HMX1: variants seen among roughly 807,000 people sequenced by gnomAD.
HMX1 encodes the protein homeobox protein HMX1.
In HMX1, 8 loss-of-function variants were observed where a neutral mutation model predicts 8.9. The observed-to-expected ratio is 0.90, with a 90% CI of 0.53 to 1.63. The LOEUF (loss-of-function observed/expected upper bound fraction) is 1.63. Among genes scored for constraint, HMX1 ranks in the 40% most tolerant of loss-of-function variants. The pLI, the probability that HMX1 is intolerant of heterozygous loss-of-function variation, is 0.00. For missense variants in HMX1, 621 were observed against 558.5 expected, an observed-to-expected ratio of 1.11 and a Z score of -1.13; for synonymous variants, 311 against 283.4, an observed-to-expected ratio of 1.10 and a Z score of -0.98.
chr4:8,867,597 C>T lies in HMX1; in HGVS notation c.*96G>A. 2 of 1,189,062 alleles carry T rather than the reference C, an allele frequency of 1.7e-6. No individual in the cohort carries two copies. The highest frequency in any genetic ancestry group is 8.5e-5 in the South Asian group (2 of 23,546). 73.7% of individuals were successfully genotyped at this position (1,189,062 alleles called of 1,614,324 possible). On this transcript the variant is annotated 3_prime_UTR_variant, in exon 2 of 2. Coordinates refer to ENST00000400677, the MANE Select transcript of HMX1 (RefSeq NM_018942.3). ...TCTAGGAGGCCGCAGGAGCGACCAT[C>T]CCTTCCCTAACGCCCCCTGAGCCCT...
In HMX1 at chr4:8,848,471, G is replaced by T. The variant is rs1721341102; in HGVS notation, c.395-2147C>A. 6.6e-6 allele frequency among the ~76,000 whole-genome samples: 1 copy of T among 152,152 alleles called. No homozygotes were observed. The highest frequency in any genetic ancestry group is 2.1e-4 in the South Asian group (1 of 4,830). ...TTTATGATTGTTTTTTACTCATCTAGGCAGAGTACTTGGAATGCCCTAGTT... is the reference window on the plus strand; with the variant it reads ...TTTATGATTGTTTTTTACTCATCTATGCAGAGTACTTGGAATGCCCTAGTT... On this transcript the variant is annotated intron_variant, in intron 1 of 1. Transcript: ENST00000506970. This position sits in a 1 kb window ranked among gnomAD's most constrained non-coding sequence, Gnocchi z 4.1.
At chr4:8,862,747 G>A (rs1560178102), downstream of HMX1, among the ~76,000 whole-genome samples, 1 of 152,142 alleles carries the variant, frequency 6.6e-6, no homozygotes, top group Non-Finnish European at 1.5e-5. Context: ...TATTACTTTT[G>A]TAATAAAAAA....
downstream of HMX1, among the ~76,000 whole-genome samples, chr4:8,865,601 G>A (rs1247907342): frequency 6.6e-6 from 1 of 152,120 alleles, no homozygotes; most frequent in African/African-American, 2.4e-5. Context: ...CCCAGAGGGC[G>A]AGGGTCCCAG....
rs1722112750 is a variant in HMX1 at position 8,868,675 on chromosome 4, C to G, written c.395-330G>C. Among the ~76,000 whole-genome samples, 1 of 152,160 alleles carries G rather than the reference C, an allele frequency of 6.6e-6. No individual in the cohort carries two copies. Among genetic ancestry groups the G allele is most frequent in the Admixed American group, 6.5e-5 (1 of 15,284 alleles). ...AAAAATACTACACAAGAAAAGCAGGCTGACCCCAGTGAGCACTCCCCACTC... is the reference window on the plus strand; with the variant it reads ...AAAAATACTACACAAGAAAAGCAGGGTGACCCCAGTGAGCACTCCCCACTC... On this transcript the variant is annotated intron_variant, in intron 1 of 1. Coordinates refer to ENST00000400677, the MANE Select transcript of HMX1 (RefSeq NM_018942.3). This position sits in a 1 kb window ranked among gnomAD's most constrained non-coding sequence, Gnocchi z 4.6.
intron 1 of HMX1, among the ~76,000 whole-genome samples, chr4:8,861,326 G>T (rs1721807823): frequency 6.6e-6 from 1 of 152,206 alleles, no homozygotes; most frequent in South Asian, 2.1e-4. Flanking sequence ...GGCGGGTCGG[G>T]ATCAGAGCGC....
At chr4:8,865,003 C>A (rs763972444), downstream of HMX1, among the ~76,000 whole-genome samples, 1 of 152,216 alleles carries the variant, frequency 6.6e-6, no homozygotes, top group Non-Finnish European at 1.5e-5. Context: ...GCTTGGTGAC[C>A]GGTTCCATGG....
Position 8,871,082 on chromosome 4 carries a change from C to G in HMX1, c.394+139G>C. On this transcript the variant is annotated intron_variant, in intron 1 of 1. Coordinates refer to ENST00000400677, the MANE Select transcript of HMX1 (RefSeq NM_018942.3). The surrounding 1 kb of genome is among the most constrained non-coding windows in gnomAD (Gnocchi z 4.8). ...CCCAACCAGGGGCTCCTGGGGGCCC[C>G]ACAAGGCCCAGACGCCGTTCCACAG... 1.0e-6 allele frequency: 1 copy of G among 1,002,496 alleles called. No homozygotes were observed. The highest frequency in any genetic ancestry group is 1.3e-6 in the Non-Finnish European group (1 of 777,370). The allele number at this position is 1,002,496 out of a possible 1,614,324, so 62.1% of individuals were successfully genotyped here. A position where few individuals can be genotyped will look rare whatever the true frequency, so the allele number is the denominator to read the frequency against.
At chr4:8,866,268 T>G (rs1213190433), downstream of HMX1, among the ~76,000 whole-genome samples, 2 of 152,230 alleles carry the variant, frequency 1.3e-5, no homozygotes, top group Non-Finnish European at 2.9e-5. Context: ...GACCAGCGTA[T>G]GGCCCGGCTG....
chr4:8,850,597 A>G (rs28698945), intron 1 of HMX1, among the ~76,000 whole-genome samples: 5,110 of 152,036 alleles, frequency 0.034, 249 homozygotes, highest in African/African-American at 0.099. Flanking sequence ...CCCACAACAC[A>G]TGACTTGCCC....
At chr4:8,857,896 A>C (rs1163746265) in intron 1 of HMX1, among the ~76,000 whole-genome samples, 2 of 152,076 alleles carry the variant, frequency 1.3e-5, no homozygotes, top group East Asian at 3.9e-4. Context: ...CCCCAGTTCC[A>C]GGAGCCGCGT....
chr4:8,867,933 G>C lies in HMX1; in HGVS notation c.807C>G (p.Ala269=), dbSNP rs1263893181. The C allele has an allele frequency of 6.8e-7, 1 of 1,468,684 alleles. No homozygotes were observed. The highest frequency in any genetic ancestry group is 2.2e-5 in the Admixed American group (1 of 44,766). The allele number at this position is 1,468,684 out of a possible 1,614,324, so 91.0% of individuals were successfully genotyped here. A position where few individuals can be genotyped will look rare whatever the true frequency, so the allele number is the denominator to read the frequency against. ...GCTGCGCTCCCGGCGGGGACAGGCTGGCCGCCTCCAGCTCGGCTGCCAGCT... is the reference window on the plus strand; with the variant it reads ...GCTGCGCTCCCGGCGGGGACAGGCTCGCCGCCTCCAGCTCGGCTGCCAGCT... ...KRQLAAELEA[A]SLSPPGAQRL... is the part of the protein sequence containing the mutation. Residue 269 remains alanine, a synonymous_variant, in exon 2 of 2, where the codon GCC becomes GCG. Transcript: ENST00000400677.
intron 1 of HMX1, among the ~76,000 whole-genome samples, chr4:8,869,233 A>G (rs2109474838): frequency 6.6e-6 from 1 of 152,324 alleles, no homozygotes; most frequent in African/African-American, 2.4e-5. Flanking sequence ...TCTCCTAGGA[A>G]CAAGAAGAGG....
chr4:8,853,167 C>T lies in HMX1; in HGVS notation c.395-6843G>A, dbSNP rs965101331. 2.6e-5 allele frequency among the ~76,000 whole-genome samples: 4 copies of T among 152,184 alleles called. No homozygotes were observed. Among genetic ancestry groups the T allele is most frequent in the Non-Finnish European group, 2.9e-5 (2 of 68,036 alleles). ...TCTATTTCTTAAATGGAAGCCAAGT[C>T]ATGGTAGCTTACACAAGACAGAAAG... On this transcript the variant is annotated intron_variant, in intron 1 of 1. Transcript: ENST00000506970. This position sits in a 1 kb window ranked among gnomAD's most constrained non-coding sequence, Gnocchi z 4.7.
Position 8,870,879 on chromosome 4 carries a change from C to T in HMX1, c.394+342G>A, listed in dbSNP as rs1722189078. Among the ~76,000 whole-genome samples the T allele has an allele frequency of 6.7e-6, 1 of 149,710 alleles. No homozygotes were observed. The highest frequency in any genetic ancestry group is 1.5e-5 in the Non-Finnish European group (1 of 67,730). On this transcript the variant is annotated intron_variant, in intron 1 of 1. Transcript: ENST00000400677. The surrounding 1 kb of genome is among the most constrained non-coding windows in gnomAD (Gnocchi z 4.4). ...CATTTTCTTTCTCAGCCTCTTTCGC[C>T]TTCTCCTGTATCTTTCCCTATCCTC...
At chr4:8,869,882 T>C (rs4285170) in intron 1 of HMX1, among the ~76,000 whole-genome samples, 11,274 of 152,068 alleles carry the variant, frequency 0.074, 1,235 homozygotes, top group African/African-American at 0.24. Context: ...CAGGGATGAG[T>C]GGAGAACAAA....
Position 8,867,256 on chromosome 4 carries a change from G to A in HMX1, c.*437C>T, listed in dbSNP as rs1722028311. On this transcript the variant is annotated 3_prime_UTR_variant, in exon 2 of 2. Coordinates refer to ENST00000400677, the MANE Select transcript of HMX1 (RefSeq NM_018942.3). ...GGGCCGGCCTGCTGTCTGGGTCCCA[G>A]GAAAGGGACGTTTAGTGTTGGGGGC... 2.0e-6 allele frequency: 2 copies of A among 986,186 alleles called. No individual in the cohort carries two copies. Among genetic ancestry groups the A allele is most frequent in the African/African-American group, 1.7e-5 (1 of 57,280 alleles). 61.1% of individuals were successfully genotyped at this position (986,186 alleles called of 1,614,324 possible).
chr4:8,859,525 C>T (rs1721725980), intron 1 of HMX1, among the ~76,000 whole-genome samples: 1 of 152,086 alleles, frequency 6.6e-6, no homozygotes, highest in African/African-American at 2.4e-5. Context: ...GTGGAGAGCC[C>T]GCTGGAAGAG....
rs914699881 is a variant in HMX1, at chr4:8,849,030, C to A, written c.395-2706G>T. ...GAGTGCAGCATCGTGGGGGTGGAGA[C>A]CCGGCTGAGGGGGGTGGGCCTCCTC... On this transcript the variant is annotated intron_variant, in intron 1 of 1. Transcript: ENST00000506970. The surrounding 1 kb of genome is among the most constrained non-coding windows in gnomAD (Gnocchi z 6.6). Among the ~76,000 whole-genome samples, 5 of 152,128 alleles carry A rather than the reference C, an allele frequency of 3.3e-5. No individual in the cohort carries two copies. Among genetic ancestry groups the A allele is most frequent in the African/African-American group, 1.2e-4 (5 of 41,422 alleles).
chr4:8,866,502 G>A (rs981888652), downstream of HMX1, among the ~76,000 whole-genome samples: 6 of 152,214 alleles, frequency 3.9e-5, no homozygotes, highest in Non-Finnish European at 5.9e-5. Context: ...ATAGGGGAAC[G>A]AGCTCTCCTT....
Sources: gnomAD v4.1 joint callset for allele counts (sites outside exome capture counted in the v4.1 genomes callset) on GRCh38, gnomAD v4.1.1 for gene constraint, Gnocchi (gnomAD v3.1) non-coding constraint, MANE v1.5 for transcripts, NCBI Gene and HGNC (gene_info 2026-07-23, HGNC 2026-07-21) for gene names.